The following CNTN4 variants were observed in gnomAD, a reference collection of about 807,000 sequenced individuals.
The protein encoded by CNTN4 is contactin 4, also known as contactin-4.
A neutral mutation model predicts 122.5 loss-of-function variants in CNTN4; 77 were observed. That is an observed-to-expected ratio of 0.63 (90% confidence interval 0.52 to 0.76). The LOEUF (loss-of-function observed/expected upper bound fraction) is 0.76, where lower values mean the gene tolerates loss of function less well. Among genes scored for constraint, CNTN4 ranks in the 30% least tolerant of loss-of-function variants. CNTN4 has a pLI of 0.00. For missense variants in CNTN4, 1,256 were observed against 1,259.1 expected, an observed-to-expected ratio of 1.00 and a Z score of 0.04; for synonymous variants, 512 against 447.0, an observed-to-expected ratio of 1.15 and a Z score of -1.83.
intron 3 of CNTN4, among the ~76,000 whole-genome samples, chr3:2,444,522 G>A (rs1476716194): frequency 4.6e-5 from 7 of 152,192 alleles, no homozygotes; most frequent in Non-Finnish European, 1.0e-4. Context: ...AGTGGTGAAT[G>A]AGGGAAAGTG....
chr3:2,945,409 A>G (rs958376383), intron 13 of CNTN4, among the ~76,000 whole-genome samples: 2 of 152,126 alleles, frequency 1.3e-5, no homozygotes. Flanking sequence ...CCTCCCCTCA[A>G]AAAGCAGACT....
At chr3:2,109,970 A>G (rs2032816440) in intron 2 of CNTN4, among the ~76,000 whole-genome samples, 1 of 152,264 alleles carries the variant, frequency 6.6e-6, no homozygotes, top group African/African-American at 2.4e-5. Context: ...AAGGTCATCT[A>G]GAATTCTTGG....
At chr3:2,867,019 T>G in intron 8 of CNTN4, 70 bp downstream of exon 8, 1 of 1,313,824 alleles carries the variant, frequency 7.6e-7, no homozygotes, top group Non-Finnish European at 1.1e-6. Context: ...TATGTTATGT[T>G]GTTGGCACAT....
At chr3:2,297,455 A>G (rs1162531258) in intron 2 of CNTN4, among the ~76,000 whole-genome samples, 1 of 152,180 alleles carries the variant, frequency 6.6e-6, no homozygotes, top group East Asian at 1.9e-4. Context: ...GAAAACAGTG[A>G]GATAAGATAA....
intron 4 of CNTN4, among the ~76,000 whole-genome samples, chr3:2,644,609 C>T (rs775066948): frequency 7.3e-5 from 11 of 151,062 alleles, no homozygotes; most frequent in Non-Finnish European, 5.9e-5. Context: ...GAGCACAAGA[C>T]TATAGAAGAA....
chr3:2,881,798 A>T (rs954683610), intron 8 of CNTN4, among the ~76,000 whole-genome samples: 4 of 151,282 alleles, frequency 2.6e-5, no homozygotes, highest in Non-Finnish European at 5.9e-5. Context: ...GAGTGAAATC[A>T]TTTCTCTTTG....
chr3:2,621,752 G>T (rs974127104), intron 4 of CNTN4, among the ~76,000 whole-genome samples: 6 of 152,252 alleles, frequency 3.9e-5, no homozygotes, highest in Admixed American at 3.3e-4. Context: ...TTGTACAGTT[G>T]TAAGCAGCAT....
At chr3:2,247,863 T>C (rs551024166) in intron 2 of CNTN4, among the ~76,000 whole-genome samples, 3 of 152,160 alleles carry the variant, frequency 2.0e-5, no homozygotes, top group East Asian at 3.9e-4. Context: ...TATGTATTAC[T>C]ATTAAATTTT....
At chr3:2,809,101 A>T (rs2092542103) in intron 6 of CNTN4, among the ~76,000 whole-genome samples, 1 of 152,196 alleles carries the variant, frequency 6.6e-6, no homozygotes, top group Non-Finnish European at 1.5e-5. Flanking sequence ...TTATTTGGGG[A>T]GGCAATGGAG....
At chr3:2,837,746 G>T (rs1400557745) in intron 7 of CNTN4, among the ~76,000 whole-genome samples, 5 of 152,078 alleles carry the variant, frequency 3.3e-5, no homozygotes, top group African/African-American at 1.2e-4. Flanking sequence ...TGTGGTGTTT[G>T]TCACTAAAAA....
intron 3 of CNTN4, among the ~76,000 whole-genome samples, chr3:2,427,167 G>T (rs1364331700): frequency 6.6e-6 from 1 of 152,102 alleles, no homozygotes; most frequent in Non-Finnish European, 1.5e-5. Flanking sequence ...TGATGTTAGG[G>T]TGTCAATTTT....
chr3:2,877,174 G>A (rs1226533984), intron 8 of CNTN4, among the ~76,000 whole-genome samples: 3 of 152,232 alleles, frequency 2.0e-5, no homozygotes, highest in African/African-American at 7.2e-5. Context: ...GCCATGTGCT[G>A]AAAAAGAGTA....
At chr3:2,358,979 G>C (rs2044995322) in intron 3 of CNTN4, among the ~76,000 whole-genome samples, 1 of 152,146 alleles carries the variant, frequency 6.6e-6, no homozygotes, top group South Asian at 2.1e-4. Flanking sequence ...CTGGCCTCCA[G>C]TTGTGGTTAG....
At chr3:2,835,735 T>C (rs962831465) in intron 7 of CNTN4, among the ~76,000 whole-genome samples, 1 of 152,126 alleles carries the variant, frequency 6.6e-6, no homozygotes, top group Non-Finnish European at 1.5e-5. Context: ...AACAAACATA[T>C]CTACACTTGT....
At chr3:2,221,551 C>T (rs1414780387) in intron 2 of CNTN4, among the ~76,000 whole-genome samples, 1 of 142,242 alleles carries the variant, frequency 7.0e-6, no homozygotes, top group Non-Finnish European at 1.6e-5. Context: ...ATAGATTGCA[C>T]TTTATCAAAA....
At chr3:3,001,366 C>T (rs1696024117) in intron 14 of CNTN4, among the ~76,000 whole-genome samples, 1 of 152,240 alleles carries the variant, frequency 6.6e-6, no homozygotes, top group South Asian at 2.1e-4. Flanking sequence ...ATTGTTTTTT[C>T]CCAGATGCAT....
intron 4 of CNTN4, among the ~76,000 whole-genome samples, chr3:2,674,583 C>A (rs575891845): frequency 6.6e-6 from 1 of 152,174 alleles, no homozygotes. Context: ...ATGGTGAAAT[C>A]TCGTCTCTAT....
At chr3:2,518,946 T>G (rs2149127335) in intron 3 of CNTN4, among the ~76,000 whole-genome samples, 1 of 152,116 alleles carries the variant, frequency 6.6e-6, no homozygotes, top group South Asian at 2.1e-4. Context: ...CTATATTAGG[T>G]TGAACAAAGA....
chr3:2,831,154 G>A (rs1414020912), intron 7 of CNTN4, among the ~76,000 whole-genome samples: 1 of 152,200 alleles, frequency 6.6e-6, no homozygotes, highest in Admixed American at 6.5e-5. Context: ...GTGAAGTTCA[G>A]TTTCACACAC....
Sources: allele counts gnomAD v4.1 joint callset (sites outside exome capture counted in the v4.1 genomes callset), GRCh38; gene constraint gnomAD v4.1.1; transcripts MANE v1.5; gene names NCBI Gene and HGNC (gene_info 2026-07-23, HGNC 2026-07-21).